The following LRRIQ1 variants were observed in gnomAD, a reference collection of about 807,000 sequenced individuals.
The protein encoded by LRRIQ1 is leucine-rich repeat- and IQ domain-containing protein 1.
In LRRIQ1, 210 loss-of-function variants were observed where a neutral mutation model predicts 211.9. That is an observed-to-expected ratio of 0.99 (90% CI 0.89 to 1.11). LRRIQ1 has a LOEUF of 1.11. Ranked by LOEUF, LRRIQ1 falls within the 50% of genes most tolerant of loss-of-function variation. The probability of loss-of-function intolerance (pLI) is 0.00; values close to 1 mark genes in which losing one functional copy is unlikely to be tolerated. For missense variants in LRRIQ1, 2,136 were observed against 1,939.5 expected, an observed-to-expected ratio of 1.10 and a Z score of -1.90; for synonymous variants, 699 against 650.1, an observed-to-expected ratio of 1.08 and a Z score of -1.14.
chr12:85,202,091 A>G (rs185609601), intron 24 of LRRIQ1, among the ~76,000 whole-genome samples: 117 of 152,074 alleles, frequency 7.7e-4, no homozygotes, highest in African/African-American at 2.6e-3. Flanking sequence ...TGTAATTTTG[A>G]GTGATTTTCT....
At chr12:85,135,644 A>C (rs1308716183) in intron 18 of LRRIQ1, among the ~76,000 whole-genome samples, 1 of 152,042 alleles carries the variant, frequency 6.6e-6, no homozygotes, top group Non-Finnish European at 1.5e-5. Flanking sequence ...AGCATTCTCC[A>C]AAGGTCACCA....
intron 8 of LRRIQ1, among the ~76,000 whole-genome samples, chr12:85,059,030 A>G (rs1352964527): frequency 1.3e-5 from 2 of 152,002 alleles, no homozygotes; most frequent in Admixed American, 6.6e-5. Context: ...TTGTTACCAG[A>G]CAACTCCTGT....
At chr12:85,262,026 G>A (rs1197751750) in intron 1 of LRRIQ1, among the ~76,000 whole-genome samples, 3 of 152,086 alleles carry the variant, frequency 2.0e-5, no homozygotes, top group Non-Finnish European at 4.4e-5. Flanking sequence ...CTGACCTCAA[G>A]TGATCCGCCA....
chr12:85,168,084 A>C (rs1441962902), intron 24 of LRRIQ1, among the ~76,000 whole-genome samples: 2 of 152,204 alleles, frequency 1.3e-5, no homozygotes, highest in Non-Finnish European at 2.9e-5. Context: ...ATGAAATAAG[A>C]AGAAAATACT....
chr12:85,046,962 T>A lies in LRRIQ1; in HGVS notation c.455-285T>A, dbSNP rs557578951. 4.6e-5 allele frequency among the ~76,000 whole-genome samples: 6 copies of A among 131,854 alleles called. No homozygotes were observed. In the Admixed American group the frequency reaches 5.6e-4, roughly 12 times the overall value. The allele number at this position is 131,854 out of a possible 152,430, so 86.5% of individuals were successfully genotyped here. ...GTGGGAATTAAACAATGAGAACACT[T>A]GGACACAGGAAGGGGAACATCACAC... On this transcript the variant is annotated intron_variant, in intron 5 of 26. Coordinates refer to ENST00000393217, the MANE Select transcript of LRRIQ1 (RefSeq NM_001079910.2).
Position 85,137,981 on chromosome 12 carries a change from C to A in LRRIQ1, c.4329+12C>A. The A allele has an allele frequency of 3.8e-6, 5 of 1,304,132 alleles. No individual in the cohort carries two copies. Among genetic ancestry groups the A allele is most frequent in the Non-Finnish European group, 4.3e-6 (4 of 928,960 alleles). 80.8% of individuals were successfully genotyped at this position (1,304,132 alleles called of 1,614,324 possible). A position where few individuals can be genotyped will look rare whatever the true frequency, so the allele number is the denominator to read the frequency against. ...TTATATTTGATGAAGTAAGTACGAA[C>A]TATAGTATATAAATATTGGTCTTAA... On this transcript the variant is annotated intron_variant, in intron 19 of 26. Coordinates refer to ENST00000393217, the MANE Select transcript of LRRIQ1 (RefSeq NM_001079910.2).
At chr12:85,153,222 T>C in intron 21 of LRRIQ1, 77 bp downstream of exon 21, 2 of 1,287,858 alleles carry the variant, frequency 1.6e-6, no homozygotes, top group African/African-American at 1.6e-5. Flanking sequence ...GTAGTACAAT[T>C]ATAAAACTAG....
intron 24 of LRRIQ1, among the ~76,000 whole-genome samples, chr12:85,167,832 A>G (rs2136784152): frequency 6.6e-6 from 1 of 152,288 alleles, no homozygotes; most frequent in East Asian, 1.9e-4. Context: ...TCCTGACATC[A>G]CACATAATCT....
chr12:85,097,532 G>A (rs879556946), intron 11 of LRRIQ1, among the ~76,000 whole-genome samples: 1 of 151,836 alleles, frequency 6.6e-6, no homozygotes, highest in Non-Finnish European at 1.5e-5. Flanking sequence ...CCTTGCGATA[G>A]TTTGCTCAGA....
Position 85,056,312 on chromosome 12 carries a change from G to A in LRRIQ1, c.1519G>A (p.Asp507Asn). The A allele has an allele frequency of 6.3e-7, 1 of 1,592,902 alleles. No individual in the cohort carries two copies. The highest frequency in any genetic ancestry group is 1.2e-5 in the South Asian group (1 of 84,890). Residue 507 changes from aspartate (D) to asparagine (N), a missense_variant, in exon 8 of 27, where the codon GAT becomes AAT. Asp to Asn is a conservative substitution (Grantham distance 23). Coordinates refer to ENST00000393217, the MANE Select transcript of LRRIQ1 (RefSeq NM_001079910.2). ...GCAAGAAAGAAAATATGAAAATACAGATAACAAAACTGAATTGGGAAACTC... is the reference window on the plus strand; with the variant it reads ...GCAAGAAAGAAAATATGAAAATACAAATAACAAAACTGAATTGGGAAACTC... The part of the protein sequence containing the change: ...VKQERKYENT[D>N]NKTELGNSDL...
At chr12:85,138,560 G>A (rs1036740267) in intron 19 of LRRIQ1, among the ~76,000 whole-genome samples, 1 of 151,410 alleles carries the variant, frequency 6.6e-6, no homozygotes, top group Non-Finnish European at 1.5e-5. Context: ...CTGCAGGAAG[G>A]TGATGAAGTT....
In LRRIQ1 at chr12:85,175,246, G is replaced by C. The variant is rs200386860; in HGVS notation, c.4822+14532G>C. Among the ~76,000 whole-genome samples the C allele has an allele frequency of 3.3e-5, 5 of 152,212 alleles. No homozygotes were observed. In the East Asian group the frequency reaches 9.7e-4, roughly 29 times the overall value. On this transcript the variant is annotated intron_variant, in intron 24 of 26. Transcript: ENST00000393217. The stretch of plus-strand genomic sequence containing the variant: ...AGATCCAGCAAGAGAAAGAAGCAAA[G>C]GAATTTCATGATGATAGTGAAAAGA...
At chr12:85,144,548 A>C (rs1889760528) in intron 19 of LRRIQ1, among the ~76,000 whole-genome samples, 1 of 151,486 alleles carries the variant, frequency 6.6e-6, no homozygotes. Flanking sequence ...ACAGTATACT[A>C]TTTTGGGCTA....
At chr12:85,106,457 A>G in intron 14 of LRRIQ1, 65 bp from the exon 15 acceptor site, 1 of 1,161,030 alleles carries the variant, frequency 8.6e-7, no homozygotes, top group East Asian at 2.4e-5. Flanking sequence ...TACAGTGGTC[A>G]TAGATTTATG....
Position 85,232,686 on chromosome 12 carries a change from C to A in LRRIQ1, c.4956-10C>A. On this transcript the variant is annotated splice_polypyrimidine_tract_variant and intron_variant, in intron 25 of 26. Coordinates refer to ENST00000393217, the MANE Select transcript of LRRIQ1 (RefSeq NM_001079910.2). Reference sequence around the variant, plus strand: ...ATTATAAAATACTTTCTGTTTTTGTCACTATGCAGCAATCACTTTTTGCCT... The same window carrying A: ...ATTATAAAATACTTTCTGTTTTTGTAACTATGCAGCAATCACTTTTTGCCT... 1 of 1,606,010 alleles carries A rather than the reference C, an allele frequency of 6.2e-7. No homozygotes were observed. Among genetic ancestry groups the A allele is most frequent in the South Asian group, 1.1e-5 (1 of 90,336 alleles).
chr12:85,267,776 A>G (rs1292970637), downstream of LRRIQ1, among the ~76,000 whole-genome samples: 1 of 152,092 alleles, frequency 6.6e-6, no homozygotes, highest in Middle Eastern at 3.2e-3. Flanking sequence ...TGCTAAGCAC[A>G]TATTTTGGTG....
rs1881011477 is a variant in LRRIQ1, at chr12:85,056,050, G to C, written c.1257G>C (p.Lys419Asn). 6.3e-7 allele frequency: 1 copy of C among 1,598,904 alleles called. No individual in the cohort carries two copies. The highest frequency in any genetic ancestry group is 1.8e-5 in the Admixed American group (1 of 56,348). ...HLSLEDISND[K>N]GDIAKNLVDE... ...GTCTTGAAGATATTTCAAATGATAA[G>C]GGTGATATAGCCAAAAATCTAGTGG... The change falls in exon 8 of 27, where the codon AAG (lysine) becomes AAC (asparagine). Residue 419 changes from lysine (K) to asparagine (N), a missense_variant. Transcript: ENST00000393217.
intron 23 of LRRIQ1, among the ~76,000 whole-genome samples, chr12:85,155,316 G>A (rs1425206339): frequency 6.6e-6 from 1 of 151,424 alleles, no homozygotes; most frequent in Non-Finnish European, 1.5e-5. Context: ...TGTACCTCCT[G>A]CACTCTCATT....
chr12:85,048,588 G>A (rs998643574), intron 6 of LRRIQ1: 18 of 150,892 alleles, frequency 1.2e-4, no homozygotes, highest in African/African-American at 4.1e-4. Context: ...GAAGAAAAAA[G>A]AAAATAAACA....
Sources: allele counts gnomAD v4.1 joint callset (sites outside exome capture counted in the v4.1 genomes callset), GRCh38; gene constraint gnomAD v4.1.1; transcripts MANE v1.5; gene names NCBI Gene and HGNC (gene_info 2026-07-23, HGNC 2026-07-21).